Variants in CACNA1C observed in about 807,000 individuals in gnomAD.
CACNA1C encodes voltage-dependent L-type calcium channel subunit alpha-1C.
A neutral mutation model predicts 229.0 loss-of-function variants in CACNA1C; 30 were observed. That is an observed-to-expected ratio of 0.13 (90% CI 0.10 to 0.18). The LOEUF (loss-of-function observed/expected upper bound fraction) is 0.18, where lower values mean the gene tolerates loss of function less well. Among genes scored for constraint, CACNA1C ranks in the 10% least tolerant of loss-of-function variants. The pLI, the probability that CACNA1C is intolerant of heterozygous loss-of-function variation, is 1.00. For missense variants in CACNA1C, 1,658 were observed against 2,845.0 expected, an observed-to-expected ratio of 0.58 and a Z score of 9.49; for synonymous variants, 1,114 against 1,132.5, an observed-to-expected ratio of 0.98 and a Z score of 0.33.
intron 3 of CACNA1C, among the ~76,000 whole-genome samples, chr12:2,239,133 G>A (rs773704149): frequency 3.3e-5 from 5 of 152,174 alleles, no homozygotes; most frequent in African/African-American, 9.6e-5. Flanking sequence ...CTGGGAAAGC[G>A]TCCGTGGGCA....
At chr12:2,313,925 C>T (rs567190557) in intron 3 of CACNA1C, among the ~76,000 whole-genome samples, 1 of 152,342 alleles carries the variant, frequency 6.6e-6, no homozygotes, top group South Asian at 2.1e-4. Flanking sequence ...AGCTCCATCA[C>T]CTGCCGCATG....
chr12:2,505,062 A>C, intron 8 of CACNA1C, 117 bp downstream of exon 8: 1 of 655,986 alleles, frequency 1.5e-6, no homozygotes, highest in Non-Finnish European at 2.7e-6. Context: ...AGGGGTCACC[A>C]CAGGAGCCTT....
intron 3 of CACNA1C, among the ~76,000 whole-genome samples, chr12:2,198,584 C>T (rs1044809989): frequency 1.3e-5 from 2 of 152,114 alleles, no homozygotes; most frequent in East Asian, 3.8e-4. Flanking sequence ...TTGAACCAGG[C>T]TTGGAGGAAA....
At chr12:2,198,946 A>G (rs1414563132) in intron 3 of CACNA1C, among the ~76,000 whole-genome samples, 4 of 152,206 alleles carry the variant, frequency 2.6e-5, no homozygotes. Context: ...TAAATATTTC[A>G]AACTTTATAA....
At chr12:2,185,729 G>T (rs1422182515) in intron 3 of CACNA1C, among the ~76,000 whole-genome samples, 1 of 152,172 alleles carries the variant, frequency 6.6e-6, no homozygotes, top group Non-Finnish European at 1.5e-5. Flanking sequence ...TTTCTGTTGA[G>T]TAAGCTGCCC....
chr12:2,667,038 G>A (rs2096170430), intron 37 of CACNA1C, among the ~76,000 whole-genome samples: 1 of 152,172 alleles, frequency 6.6e-6, no homozygotes, highest in African/African-American at 2.4e-5. Flanking sequence ...CGGGCATCCT[G>A]GGGTGGGAGA....
At chr12:2,068,924 G>A (rs979182917) in intron 1 of CACNA1C, among the ~76,000 whole-genome samples, 1 of 152,200 alleles carries the variant, frequency 6.6e-6, no homozygotes, top group African/African-American at 2.4e-5. Flanking sequence ...TTCCTCTGAG[G>A]GTATCAGTTG....
chr12:2,056,142 A>G (rs2054644070), intron 1 of CACNA1C, among the ~76,000 whole-genome samples: 1 of 152,006 alleles, frequency 6.6e-6, no homozygotes, highest in Non-Finnish European at 1.5e-5. Context: ...GGAATGCACC[A>G]GTCCTTGCTC....
chr12:2,372,467 C>T (rs1292615669), intron 3 of CACNA1C, among the ~76,000 whole-genome samples: 3 of 152,152 alleles, frequency 2.0e-5, no homozygotes, highest in Non-Finnish European at 4.4e-5. Context: ...ACAGGCAGAT[C>T]TCCAGCAGGG....
In CACNA1C at chr12:2,605,910, C is replaced by A; in HGVS notation, c.3156+124C>A. The A allele has an allele frequency of 1.4e-6, 1 of 693,608 alleles. No homozygotes were observed. Among genetic ancestry groups the A allele is most frequent in the Non-Finnish European group, 2.6e-6 (1 of 388,294 alleles). 43.0% of individuals were successfully genotyped at this position (693,608 alleles called of 1,614,324 possible). A position where few individuals can be genotyped will look rare whatever the true frequency, so the allele number is the denominator to read the frequency against. On this transcript the variant is annotated intron_variant, in intron 24 of 46. Coordinates refer to ENST00000399655, the MANE Select transcript of CACNA1C (RefSeq NM_000719.7). This position sits in a 1 kb window ranked among gnomAD's most constrained non-coding sequence, Gnocchi z 6.2. ...GAGCCAGACTTGGCTTGGATATAAC[C>A]TCCACCTGCAGCCCGACTCAACCTT...
chr12:2,038,873 C>T (rs545236189), intron 1 of CACNA1C, among the ~76,000 whole-genome samples: 1 of 151,992 alleles, frequency 6.6e-6, no homozygotes, highest in East Asian at 1.9e-4. Flanking sequence ...TGTCCTGTGC[C>T]CAGGTATGTT....
intron 8 of CACNA1C, among the ~76,000 whole-genome samples, chr12:2,505,299 AC>A (rs1251674537): frequency 9.2e-5 from 14 of 151,948 alleles, no homozygotes; most frequent in African/African-American, 3.4e-4. Flanking sequence ...ACAAAGACAG[AC>A]TCAAAATCTA....
At chr12:2,139,825 G>C (rs1438099107) in intron 3 of CACNA1C, among the ~76,000 whole-genome samples, 3 of 151,286 alleles carry the variant, frequency 2.0e-5, no homozygotes, top group African/African-American at 7.3e-5. Flanking sequence ...TGAACTGGAG[G>C]TGTAAGGGGT....
At chr12:2,359,009 A>G (rs1459540326) in intron 3 of CACNA1C, among the ~76,000 whole-genome samples, 3 of 152,050 alleles carry the variant, frequency 2.0e-5, no homozygotes, top group Non-Finnish European at 4.4e-5. Flanking sequence ...TCTTGGTCTT[A>G]CTTCCCTTCT....
At chr12:1,970,814 C>G, upstream of CACNA1C, 2 of 271,700 alleles carry the variant, frequency 7.4e-6, no homozygotes, top group South Asian at 7.3e-5. Context: ...GCAGGGAAGA[C>G]GAAAATACAA....
At chr12:2,572,599 CCTCCTCCTTCTCCTCTT>C (rs1568501847) in intron 13 of CACNA1C, among the ~76,000 whole-genome samples, 12 of 120,424 alleles carry the variant, frequency 1.0e-4, no homozygotes, top group East Asian at 2.8e-4. Context: ...CTTCTCCTCT[CCTCCTCCTTCTCCTCTT>C]CCTCCTCCTC....
intron 13 of CACNA1C, among the ~76,000 whole-genome samples, chr12:2,581,028 G>A (rs1449103871): frequency 6.6e-6 from 1 of 152,216 alleles, no homozygotes. Flanking sequence ...TCTTACCCGT[G>A]GGTGACCTAA....
intron 3 of CACNA1C, among the ~76,000 whole-genome samples, chr12:2,332,558 CT>C (rs1170393458): frequency 1.3e-5 from 2 of 152,148 alleles, no homozygotes; most frequent in African/African-American, 4.8e-5. Context: ...CCCATTTCTG[CT>C]CAAATAAAAT....
At chr12:2,617,211 A>G (rs2081096628) in intron 29 of CACNA1C, among the ~76,000 whole-genome samples, 1 of 152,156 alleles carries the variant, frequency 6.6e-6, no homozygotes, top group Non-Finnish European at 1.5e-5. Context: ...AGAGTGAGGG[A>G]TGAGTCAGGA....
Sources: gnomAD v4.1 joint callset for allele counts (sites outside exome capture counted in the v4.1 genomes callset) on GRCh38, gnomAD v4.1.1 for gene constraint, Gnocchi (gnomAD v3.1) non-coding constraint, MANE v1.5 for transcripts, NCBI Gene and HGNC (gene_info 2026-07-23, HGNC 2026-07-21) for gene names.